HDAC9: variants seen among roughly 807,000 people sequenced by gnomAD.
HDAC9 encodes MEF-2 interacting transcription repressor (MITR) protein.
In HDAC9, 41 loss-of-function variants were observed where a neutral mutation model predicts 139.4. The ratio of observed to expected loss-of-function variants is 0.29; its 90% CI spans 0.23 to 0.38. HDAC9 has a LOEUF of 0.38. Among genes scored for constraint, HDAC9 ranks in the 10% least tolerant of loss-of-function variants. The pLI is 1.00. For missense variants in HDAC9, 1,147 were observed against 1,297.0 expected (o/e 0.88, Z 1.78); for synonymous variants, 517 against 476.2 (o/e 1.09, Z -1.12).
intron 13 of HDAC9, among the ~76,000 whole-genome samples, chr7:18,739,732 C>T (rs896014120): frequency 1.3e-5 from 2 of 152,258 alleles, no homozygotes; most frequent in African/African-American, 4.8e-5. Context: ...CAGGGACCCA[C>T]TCGAGGAGGC....
chr7:18,648,980 T>C (rs1020880045), intron 11 of HDAC9, among the ~76,000 whole-genome samples: 1 of 152,204 alleles, frequency 6.6e-6, no homozygotes. Context: ...GGAGCCTCAT[T>C]TTTTAGTGTT....
At chr7:18,874,398 G>A (rs1799164277) in intron 21 of HDAC9, 80 bp from the exon 22 acceptor site, 2 of 740,534 alleles carry the variant, frequency 2.7e-6, no homozygotes, top group African/African-American at 1.7e-5. Flanking sequence ...TCCTATTGTT[G>A]TGCCAGGTCG....
intron 11 of HDAC9, among the ~76,000 whole-genome samples, chr7:18,659,867 G>T (rs777963175): frequency 6.6e-6 from 1 of 152,078 alleles, no homozygotes; most frequent in Non-Finnish European, 1.5e-5. Flanking sequence ...GCAACAGCTC[G>T]ACTTTGCTAG....
At chr7:18,290,047 G>A (rs141420192), upstream of HDAC9, 5 of 154,708 alleles carry the variant, frequency 3.2e-5, no homozygotes, top group African/African-American at 9.7e-5. Flanking sequence ...CTTCCCACAC[G>A]TCCTCTGATT....
intron 14 of HDAC9, among the ~76,000 whole-genome samples, chr7:18,752,429 C>T: frequency 6.6e-6 from 1 of 152,060 alleles, no homozygotes; most frequent in East Asian, 1.9e-4. Context: ...TACCAAGATA[C>T]CCCAAGGACC....
At chr7:18,820,974 C>G (rs556727501) in intron 17 of HDAC9, among the ~76,000 whole-genome samples, 4 of 152,160 alleles carry the variant, frequency 2.6e-5, no homozygotes, top group African/African-American at 9.7e-5. Flanking sequence ...AATGTATTTA[C>G]TCACAGTTCT....
chr7:18,357,127 T>C (rs1233228293), intron 1 of HDAC9, among the ~76,000 whole-genome samples: 1 of 152,162 alleles, frequency 6.6e-6, no homozygotes, highest in Non-Finnish European at 1.5e-5. Context: ...TATAGAATCT[T>C]ATAGGATTTA....
chr7:18,338,584 A>C (rs1273476661), intron 1 of HDAC9, among the ~76,000 whole-genome samples: 1 of 151,640 alleles, frequency 6.6e-6, no homozygotes, highest in African/African-American at 2.4e-5. Context: ...TATTCTATTA[A>C]TATGGCATCT....
Position 18,775,436 on chromosome 7 carries a change from G to T in HDAC9, c.2214+8281G>T, listed in dbSNP as rs561241901. On this transcript the variant is annotated intron_variant, in intron 16 of 25. Transcript: ENST00000686413. The stretch of plus-strand genomic sequence containing the variant: ...TGCCTGTATCGAGTATCTTCCTGAC[G>T]ATCTGTAAGCACTTCTCAAAATGAC... 2.6e-5 allele frequency among the ~76,000 whole-genome samples: 4 copies of T among 152,096 alleles called. No homozygotes were observed. The East Asian group carries it at 7.8e-4, about 30-fold the overall frequency.
chr7:18,307,536 C>T (rs1390621155), intron 1 of HDAC9, among the ~76,000 whole-genome samples: 3 of 152,190 alleles, frequency 2.0e-5, no homozygotes, highest in African/African-American at 7.2e-5. Flanking sequence ...GGTGCCATGG[C>T]TCACGCTTGC....
At chr7:18,939,787 A>C (rs984669706) in intron 23 of HDAC9, among the ~76,000 whole-genome samples, 9 of 152,216 alleles carry the variant, frequency 5.9e-5, no homozygotes, top group African/African-American at 2.2e-4. Context: ...TTCAGTGATT[A>C]ATAGAGCAAT....
intron 16 of HDAC9, among the ~76,000 whole-genome samples, chr7:18,786,371 T>C (rs962501714): frequency 3.9e-5 from 6 of 152,150 alleles, no homozygotes; most frequent in African/African-American, 1.2e-4. Flanking sequence ...AGTATCTTCC[T>C]AATTATTTTA....
upstream of HDAC9, among the ~76,000 whole-genome samples, chr7:18,492,188 C>T (rs549120540): frequency 6.6e-6 from 1 of 151,928 alleles, no homozygotes; most frequent in Non-Finnish European, 1.5e-5. Context: ...GGATTGTAGA[C>T]GTGAGAGATT....
At chr7:18,321,324 C>G (rs969636130) in intron 1 of HDAC9, among the ~76,000 whole-genome samples, 12 of 152,218 alleles carry the variant, frequency 7.9e-5, no homozygotes, top group African/African-American at 2.9e-4. Context: ...ATTAGTTCAT[C>G]TACCTTATTC....
At chr7:18,272,615 CA>C (rs957987446) in intron 2 of HDAC9, among the ~76,000 whole-genome samples, 5 of 151,988 alleles carry the variant, frequency 3.3e-5, no homozygotes, top group African/African-American at 1.2e-4. Flanking sequence ...ATCAAAGATT[CA>C]AAATATGTTC....
chr7:18,949,182 G>T (rs1782613039), intron 23 of HDAC9: 2 of 263,532 alleles, frequency 7.6e-6, no homozygotes, highest in South Asian at 4.2e-5. Context: ...TGCAATTTTG[G>T]CTGGAGTATC....
chr7:19,001,844 T>A lies in HDAC9; in HGVS notation c.*5782T>A, dbSNP rs1167358428. The A allele has an allele frequency of 6.6e-6, 1 of 152,120 alleles. No homozygotes were observed. The highest frequency in any genetic ancestry group is 1.5e-5 in the Non-Finnish European group (1 of 67,988). 9.4% of individuals were successfully genotyped at this position (152,120 alleles called of 1,614,324 possible). A position where few individuals can be genotyped will look rare whatever the true frequency, so the allele number is the denominator to read the frequency against. ...TCATTTGAAAGCAAATATCCTGATA[T>A]TTTTAAATAAGGTGAGCAGGGCAGG... On this transcript the variant is annotated 3_prime_UTR_variant, in exon 26 of 26. Coordinates refer to ENST00000686413, the MANE Select transcript of HDAC9 (RefSeq NM_178425.4).
In HDAC9 at chr7:18,345,812, T is replaced by C. The variant is rs147221699; in HGVS notation, c.-42+55297T>C. Among the ~76,000 whole-genome samples, 62 of 152,014 alleles carry C rather than the reference T, an allele frequency of 4.1e-4. No homozygotes were observed. In the East Asian group the frequency reaches 5.6e-3, roughly 14 times the overall value. On this transcript the variant is annotated intron_variant, in intron 1 of 3. Transcript: ENST00000413509. ...CTATACCTTCATTCAGCATTTTTTT[T>C]CCCCTTTTACCTGTATTTTTGGGAT... is the stretch of plus-strand genomic sequence containing the variant.
At chr7:18,441,858 C>T (rs775569088) in intron 1 of HDAC9, among the ~76,000 whole-genome samples, 30 of 152,156 alleles carry the variant, frequency 2.0e-4, no homozygotes, top group Non-Finnish European at 3.5e-4. Context: ...AGCTCCGCCT[C>T]CCGGGTTCAC....
Sources: gnomAD v4.1 joint callset for allele counts (sites outside exome capture counted in the v4.1 genomes callset) on GRCh38, gnomAD v4.1.1 for gene constraint, MANE v1.5 for transcripts, NCBI Gene and HGNC (gene_info 2026-07-23, HGNC 2026-07-21) for gene names.